Variants in CCDC85A observed in about 807,000 individuals in gnomAD.
CCDC85A encodes coiled-coil domain-containing protein 85A.
Under a neutral mutation model 50.2 loss-of-function variants are expected in CCDC85A, and 38 were observed. The ratio of observed to expected loss-of-function variants is 0.76; its 90% CI spans 0.58 to 0.99. The LOEUF (loss-of-function observed/expected upper bound fraction) is 0.99, where lower values mean the gene tolerates loss of function less well. Ranked by LOEUF, CCDC85A falls within the 50% of genes least tolerant of loss-of-function variation. CCDC85A has a pLI of 0.00. For synonymous variants in CCDC85A, 366 were observed against 301.4 expected (o/e 1.21, Z -2.22); for missense variants, 820 against 742.0 (o/e 1.11, Z -1.22).
intron 2 of CCDC85A, among the ~76,000 whole-genome samples, chr2:56,216,346 C>T (rs934432475): frequency 4.0e-5 from 6 of 151,634 alleles, no homozygotes; most frequent in African/African-American, 9.7e-5. Context: ...GTGGCTGAAG[C>T]TCCTTATTGT....
chr2:56,374,920 A>C (rs1676260635), intron 4 of CCDC85A, among the ~76,000 whole-genome samples: 1 of 152,232 alleles, frequency 6.6e-6, no homozygotes, highest in Non-Finnish European at 1.5e-5. Context: ...AGCAATTACT[A>C]ATCAATTAGA....
At chr2:56,354,083 C>A (rs953532886) in intron 3 of CCDC85A, among the ~76,000 whole-genome samples, 1 of 152,192 alleles carries the variant, frequency 6.6e-6, no homozygotes, top group Non-Finnish European at 1.5e-5. Context: ...GAAGCCATGA[C>A]ATTTCTCATA....
At chr2:56,333,629 C>T (rs778140800) in intron 2 of CCDC85A, among the ~76,000 whole-genome samples, 21 of 152,014 alleles carry the variant, frequency 1.4e-4, no homozygotes, top group Non-Finnish European at 2.6e-4. Flanking sequence ...GAAAATAGCA[C>T]TGGGGGAGGA....
chr2:56,320,251 A>G (rs1673112565), intron 2 of CCDC85A, among the ~76,000 whole-genome samples: 2 of 152,154 alleles, frequency 1.3e-5, no homozygotes, highest in Admixed American at 1.3e-4. Flanking sequence ...GAGCAAACAC[A>G]TTCAAAAGCT....
chr2:56,221,255 G>C (rs1306031072), intron 2 of CCDC85A, among the ~76,000 whole-genome samples: 1 of 151,970 alleles, frequency 6.6e-6, no homozygotes. Flanking sequence ...ATGCATTTTG[G>C]TCTCATCATG....
chr2:56,191,183 G>A (rs971428272), intron 1 of CCDC85A, among the ~76,000 whole-genome samples: 10 of 152,140 alleles, frequency 6.6e-5, no homozygotes, highest in Non-Finnish European at 1.2e-4. Flanking sequence ...CTTCTCTGTA[G>A]CGGTATCTTC....
chr2:56,331,282 C>T (rs1212899009), intron 2 of CCDC85A, among the ~76,000 whole-genome samples: 2 of 152,056 alleles, frequency 1.3e-5, no homozygotes, highest in Non-Finnish European at 2.9e-5. Flanking sequence ...ATGGGAATAC[C>T]TAATGCATGC....
intron 2 of CCDC85A, among the ~76,000 whole-genome samples, chr2:56,217,900 T>C (rs1573041219): frequency 6.6e-6 from 1 of 151,890 alleles, no homozygotes; most frequent in East Asian, 1.9e-4. Flanking sequence ...TAATTAGGTT[T>C]GCCTGATTAT....
At chr2:56,252,185 T>C (rs111409244) in intron 2 of CCDC85A, among the ~76,000 whole-genome samples, 6,388 of 152,146 alleles carry the variant, frequency 0.042, 185 homozygotes, top group Middle Eastern at 0.092. Context: ...TAGCTGGAAT[T>C]ACAGGTGCCT....
intron 2 of CCDC85A, among the ~76,000 whole-genome samples, chr2:56,284,522 A>G (rs750307679): frequency 1.6e-4 from 25 of 151,958 alleles, no homozygotes; most frequent in Non-Finnish European, 2.8e-4. Flanking sequence ...ACAGGTGTGC[A>G]CCACCAGGCC....
chr2:56,243,413 T>A (rs977275058), intron 2 of CCDC85A, among the ~76,000 whole-genome samples: 49 of 152,172 alleles, frequency 3.2e-4, no homozygotes, highest in Admixed American at 2.6e-4. Flanking sequence ...ATTCTGCTAT[T>A]AAGACACTCT....
At chr2:56,312,861 A>G (rs1672758822) in intron 2 of CCDC85A, among the ~76,000 whole-genome samples, 1 of 151,064 alleles carries the variant, frequency 6.6e-6, no homozygotes, top group African/African-American at 2.5e-5. Flanking sequence ...AAGTCTTAAA[A>G]CTGATTTGAT....
intron 2 of CCDC85A, among the ~76,000 whole-genome samples, chr2:56,208,237 A>G (rs1222983307): frequency 6.6e-6 from 1 of 152,080 alleles, no homozygotes; most frequent in Non-Finnish European, 1.5e-5. Context: ...ATTGTTTCTT[A>G]AGGACTGGTT....
chr2:56,259,760 G>T (rs1352511045), intron 2 of CCDC85A, among the ~76,000 whole-genome samples: 1 of 152,170 alleles, frequency 6.6e-6, no homozygotes, highest in African/African-American at 2.4e-5. Context: ...TGCCCTTAAT[G>T]GACTTAAAAC....
At chr2:56,211,847 C>G (rs1295051948) in intron 2 of CCDC85A, among the ~76,000 whole-genome samples, 2 of 151,972 alleles carry the variant, frequency 1.3e-5, no homozygotes, top group African/African-American at 2.4e-5. Flanking sequence ...CCTTGATGTT[C>G]TCCTCATCTC....
chr2:56,315,562 A>G lies in CCDC85A; in HGVS notation c.1241-27317A>G, dbSNP rs559657408. Among the ~76,000 whole-genome samples, 28 of 152,274 alleles carry G rather than the reference A, an allele frequency of 1.8e-4. No homozygotes were observed. The South Asian group carries it at 5.8e-3, about 32-fold the overall frequency. On this transcript the variant is annotated intron_variant, in intron 2 of 5. Transcript: ENST00000407595. Reference sequence around the variant, plus strand: ...ATGTAACTGAGTAGGTAAGACCACCATATGGAATCAATTAGAATGGGATTC... The same window carrying G: ...ATGTAACTGAGTAGGTAAGACCACCGTATGGAATCAATTAGAATGGGATTC...
At chr2:56,298,097 T>G (rs993873638) in intron 2 of CCDC85A, among the ~76,000 whole-genome samples, 1 of 152,138 alleles carries the variant, frequency 6.6e-6, no homozygotes, top group Admixed American at 6.6e-5. Context: ...CTGGGGTTGA[T>G]GTTATGTGGA....
chr2:56,288,042 C>T (rs1244155526), intron 2 of CCDC85A, among the ~76,000 whole-genome samples: 2 of 152,108 alleles, frequency 1.3e-5, no homozygotes, highest in African/African-American at 4.8e-5. Flanking sequence ...CTTTACAGAG[C>T]CTGGCGTCAG....
intron 2 of CCDC85A, among the ~76,000 whole-genome samples, chr2:56,298,938 C>G (rs1573204908): frequency 1.3e-5 from 2 of 152,128 alleles, no homozygotes; most frequent in African/African-American, 2.4e-5. Flanking sequence ...AGGCTAAGGA[C>G]AGGATCAAAG....
Sources: allele counts gnomAD v4.1 joint callset (sites outside exome capture counted in the v4.1 genomes callset), GRCh38; gene constraint gnomAD v4.1.1; transcripts MANE v1.5; gene names NCBI Gene and HGNC (gene_info 2026-07-23, HGNC 2026-07-21).